Variants in ZDHHC15 observed in about 807,000 individuals in gnomAD.
The protein encoded by ZDHHC15 is palmitoyltransferase ZDHHC15.
Under a neutral mutation model 31.7 loss-of-function variants are expected in ZDHHC15, and 19 were observed. The ratio of observed to expected loss-of-function variants is 0.60; its 90% confidence interval spans 0.42 to 0.88. ZDHHC15 has a LOEUF of 0.88. Among genes scored for constraint, ZDHHC15 ranks in the 40% least tolerant of loss-of-function variants. The pLI, the probability that ZDHHC15 is intolerant of heterozygous loss-of-function variation, is 0.00. For synonymous variants in ZDHHC15, 103 were observed against 90.0 expected (o/e 1.14, Z -0.82); for missense variants, 209 against 251.2 (o/e 0.83, Z 1.14).
chrX:75,419,444 A>C (rs1464769139), intron 9 of ZDHHC15, among the ~76,000 whole-genome samples: 2 of 111,185 alleles, frequency 1.8e-5, no homozygotes, highest in Admixed American at 1.9e-4. Flanking sequence ...AAAAGTCAGG[A>C]AACAACAGAT....
chrX:75,452,868 G>A (rs1335183972), intron 3 of ZDHHC15, among the ~76,000 whole-genome samples: 4 of 111,917 alleles, frequency 3.6e-5, no homozygotes, highest in Admixed American at 9.5e-5. Flanking sequence ...GAATCTCTGG[G>A]ACACATTTAA....
At chrX:75,481,443 T>A (rs777494143) in intron 2 of ZDHHC15, among the ~76,000 whole-genome samples, 2 of 111,754 alleles carry the variant, frequency 1.8e-5, no homozygotes, top group Non-Finnish European at 3.8e-5. Context: ...CTACTACGCA[T>A]CAACTGGTTC....
intron 1 of ZDHHC15, among the ~76,000 whole-genome samples, chrX:75,510,547 A>G (rs1433696698): frequency 2.8e-4 from 9 of 32,693 alleles, no homozygotes; most frequent in African/African-American, 9.4e-4. Flanking sequence ...TTTTTTTTTT[A>G]TCTTTTGTCT....
chrX:75,494,566 T>C (rs1484073533), intron 2 of ZDHHC15, among the ~76,000 whole-genome samples: 2 of 112,122 alleles, frequency 1.8e-5, no homozygotes, highest in African/African-American at 3.2e-5. Flanking sequence ...AACAGCATGG[T>C]ACTTGTACCA....
intron 10 of ZDHHC15, among the ~76,000 whole-genome samples, chrX:75,393,407 T>C (rs2083267062): frequency 9.0e-6 from 1 of 111,245 alleles, no homozygotes; most frequent in African/African-American, 3.3e-5. Flanking sequence ...CACCAGTTTT[T>C]CCACTGAACT....
At chrX:75,403,387 A>G (rs1220159248) in intron 10 of ZDHHC15, among the ~76,000 whole-genome samples, 2 of 111,996 alleles carry the variant, frequency 1.8e-5, no homozygotes, top group African/African-American at 6.5e-5. Flanking sequence ...CAAAACAATC[A>G]GGAAAGAGAG....
chrX:75,398,117 G>A (rs1227601279), intron 10 of ZDHHC15, among the ~76,000 whole-genome samples: 3 of 112,001 alleles, frequency 2.7e-5, no homozygotes, highest in Non-Finnish European at 5.6e-5. Flanking sequence ...CACTTCCATG[G>A]CACCTCACAA....
intron 2 of ZDHHC15, among the ~76,000 whole-genome samples, chrX:75,501,217 T>C (rs2085081858): frequency 9.0e-6 from 1 of 111,175 alleles, no homozygotes; most frequent in African/African-American, 3.3e-5. Context: ...TGAGAACATG[T>C]GGTATTTTCT....
intron 2 of ZDHHC15, among the ~76,000 whole-genome samples, chrX:75,493,777 G>A (rs1207395157): frequency 2.7e-5 from 3 of 111,620 alleles, no homozygotes; most frequent in Non-Finnish European, 3.8e-5. Flanking sequence ...TTGATGGGAC[G>A]TATCTCAAAA....
intron 10 of ZDHHC15, among the ~76,000 whole-genome samples, chrX:75,407,150 T>C (rs1465985205): frequency 9.1e-6 from 1 of 110,010 alleles, no homozygotes; most frequent in African/African-American, 3.3e-5. Context: ...GCCCATCGTC[T>C]GAGATGTGGG....
At chrX:75,429,648 C>G (rs2083754888) in intron 6 of ZDHHC15, among the ~76,000 whole-genome samples, 1 of 111,822 alleles carries the variant, frequency 8.9e-6, no homozygotes, top group African/African-American at 3.2e-5. Context: ...AGAAACAGAA[C>G]TGAATTGTGT....
intron 1 of ZDHHC15, among the ~76,000 whole-genome samples, chrX:75,516,700 C>A (rs2085362576): frequency 8.9e-6 from 1 of 112,021 alleles, no homozygotes; most frequent in Non-Finnish European, 1.9e-5. Context: ...ACTAAAACAC[C>A]AAAAGTAATG....
rs1269037249 is a variant in ZDHHC15, at chrX:75,369,899, A to G, written c.*3079T>C. On this transcript the variant is annotated 3_prime_UTR_variant, in exon 12 of 12. Transcript: ENST00000373367. The stretch of plus-strand genomic sequence containing the variant: ...AACATGGTAACTGTGAGCCCTGCAT[A>G]AGACAGCTGTGTTCCATTGGGGACC... 1 of 111,625 alleles carries G rather than the reference A, an allele frequency of 9.0e-6. No homozygotes were observed. 9.2% of individuals were successfully genotyped at this position (111,625 alleles called of 1,213,427 possible).
chrX:75,477,481 T>G (rs1475951763), intron 3 of ZDHHC15, among the ~76,000 whole-genome samples: 2 of 111,928 alleles, frequency 1.8e-5, no homozygotes, highest in African/African-American at 6.5e-5. Flanking sequence ...GTGTAACTGT[T>G]ATTGTGTATT....
At chrX:75,416,433 T>C (rs1383813025) in intron 10 of ZDHHC15, among the ~76,000 whole-genome samples, 2 of 111,827 alleles carry the variant, frequency 1.8e-5, no homozygotes, top group Non-Finnish European at 3.8e-5. Context: ...TAAGTAAATG[T>C]TGGAGACACA....
intron 7 of ZDHHC15, 105 bp downstream of exon 7, chrX:75,428,973 G>T: frequency 9.4e-7 from 1 of 1,064,723 alleles, no homozygotes; most frequent in Non-Finnish European, 1.3e-6. Flanking sequence ...TACTTCAACA[G>T]TATTAGCTAT....
intron 3 of ZDHHC15, among the ~76,000 whole-genome samples, chrX:75,465,070 C>G (rs1255446984): frequency 8.9e-6 from 1 of 112,231 alleles, no homozygotes; most frequent in Admixed American, 9.5e-5. Context: ...TGTCTCAGCT[C>G]AAAAGCTTCT....
At chrX:75,377,020 C>G (rs773881865) in intron 11 of ZDHHC15, among the ~76,000 whole-genome samples, 1 of 111,160 alleles carries the variant, frequency 9.0e-6, no homozygotes, top group Non-Finnish European at 1.9e-5. Context: ...TATCTAATTA[C>G]TTGGACATAT....
intron 1 of ZDHHC15, among the ~76,000 whole-genome samples, chrX:75,520,182 C>T (rs1156936517): frequency 2.7e-5 from 3 of 111,893 alleles, no homozygotes; most frequent in Non-Finnish European, 3.8e-5. Context: ...TGTGTAGTCA[C>T]CTAGAAATAG....
Sources: allele counts gnomAD v4.1 joint callset (sites outside exome capture counted in the v4.1 genomes callset), GRCh38; gene constraint gnomAD v4.1.1; transcripts MANE v1.5; gene names NCBI Gene and HGNC (gene_info 2026-07-23, HGNC 2026-07-21).